CFAP46: variants seen among roughly 807,000 people sequenced by gnomAD.
CFAP46 encodes cilia- and flagella-associated protein 46.
CFAP46 carries 245 observed loss-of-function variants against 325.7 expected under a neutral mutation model. The ratio of observed to expected loss-of-function variants is 0.75; its 90% confidence interval spans 0.68 to 0.84. The LOEUF (loss-of-function observed/expected upper bound fraction) is 0.84, where lower values mean the gene tolerates loss of function less well. Among genes scored for constraint, CFAP46 ranks in the 40% least tolerant of loss-of-function variants. CFAP46 has a pLI of 0.00. For missense variants in CFAP46, 3,346 were observed against 3,543.0 expected, an observed-to-expected ratio of 0.94 and a Z score of 1.41; for synonymous variants, 1,523 against 1,495.9, an observed-to-expected ratio of 1.02 and a Z score of -0.42.
chr10:132,912,822 TG>T lies in CFAP46; in HGVS notation c.2334-3del, dbSNP rs1413672325. ...AGCGTCACCAGCATCACGGGGTCCC[TG>T]GGAGACATGCTTGTCAGAGGGAACC... On this transcript the variant is annotated splice_polypyrimidine_tract_variant and splice_region_variant and intron_variant, in intron 18 of 57. Coordinates refer to ENST00000368586, the MANE Select transcript of CFAP46 (RefSeq NM_001200049.3). The T allele has an allele frequency of 6.5e-7, 1 of 1,548,214 alleles. No homozygotes were observed. The highest frequency in any genetic ancestry group is 1.2e-5 in the South Asian group (1 of 84,022).
In CFAP46 at chr10:132,860,848, C is replaced by G; in HGVS notation, c.5025G>C (p.Trp1675Cys). ...CTGCCAGGGTCAGAGTGGAATTGTA[C>G]CAGAACTCCTCACTTCCGCCCAGGT... ...AQHLGGSEEF[W>C]YNSTLTLAEA... Residue 1675 changes from tryptophan to cysteine, a missense_variant, in exon 36 of 58, where the codon TGG (tryptophan) becomes TGC (cysteine). Coordinates refer to ENST00000368586, the MANE Select transcript of CFAP46 (RefSeq NM_001200049.3). 6.4e-7 allele frequency: 1 copy of G among 1,551,094 alleles called. No individual in the cohort carries two copies. The highest frequency in any genetic ancestry group is 8.7e-7 in the Non-Finnish European group (1 of 1,147,088).
chr10:132,920,276 G>T, intron 13 of CFAP46, 94 bp from the exon 14 acceptor site: 2 of 1,394,888 alleles, frequency 1.4e-6, no homozygotes, highest in Non-Finnish European at 1.9e-6. Flanking sequence ...CGGCGCCGGG[G>T]TGGCCACCCA....
Position 132,817,804 on chromosome 10 carries a change from G to T in CFAP46, c.7118-2890C>A, listed in dbSNP as rs189793087. 6.6e-6 allele frequency among the ~76,000 whole-genome samples: 1 copy of T among 152,354 alleles called. No homozygotes were observed. Among genetic ancestry groups the T allele is most frequent in the Non-Finnish European group, 1.5e-5 (1 of 68,030 alleles). On this transcript the variant is annotated intron_variant, in intron 50 of 57. Transcript: ENST00000368586. This position sits in a 1 kb window ranked among gnomAD's most constrained non-coding sequence, Gnocchi z 4.4. ...TACTACAAAACGCAGGCTTGATGTG[G>T]CACTGCTTCCTGTCTGACGGTTCTG...
At chr10:132,834,201 C>T in intron 48 of CFAP46, 78 bp from the exon 49 acceptor site, 1 of 1,320,056 alleles carries the variant, frequency 7.6e-7, no homozygotes, top group South Asian at 1.2e-5. Flanking sequence ...CCTGCTCAGC[C>T]TGTTTCACTC....
At position 132,832,370 on chromosome 10, in the gene CFAP46, G is replaced by A. The variant is rs1848160030; in HGVS notation, c.7117+988C>T. Among the ~76,000 whole-genome samples the A allele has an allele frequency of 6.8e-6, 1 of 147,700 alleles. No homozygotes were observed. Among genetic ancestry groups the A allele is most frequent in the Admixed American group, 6.7e-5 (1 of 14,848 alleles). ...AAACTGTCTGTCCTCAACTTGCGGA[G>A]ACCCCTGGGCTCTTCCTGCCCCCCC... is the stretch of plus-strand genomic sequence containing the variant. On this transcript the variant is annotated intron_variant, in intron 50 of 57. Transcript: ENST00000368586. This position sits in a 1 kb window ranked among gnomAD's most constrained non-coding sequence, Gnocchi z 4.1.
chr10:132,814,966 C>A (rs749552401), intron 50 of CFAP46, 52 bp from the exon 51 acceptor site: 9 of 1,520,352 alleles, frequency 5.9e-6, no homozygotes, highest in Non-Finnish European at 7.3e-6. Context: ...TCGAGGCAGC[C>A]CTCCGGCCAC....
chr10:132,911,142 G>A (rs768985414), intron 19 of CFAP46, among the ~76,000 whole-genome samples: 18 of 152,160 alleles, frequency 1.2e-4, no homozygotes, highest in Non-Finnish European at 2.2e-4. Flanking sequence ...CCTCCCCTCC[G>A]CAGCCTCCAG....
rs868712695 is a variant in CFAP46, at chr10:132,880,978, G to A, written c.3682C>T (p.Leu1228Phe). 6 of 1,550,418 alleles carry A rather than the reference G, an allele frequency of 3.9e-6. No homozygotes were observed. In the African/African-American group the frequency reaches 5.5e-5, roughly 14 times the overall value. Reference sequence around the variant, plus strand: ...TCGAGAGGAAAGTGTCTGTGATGGAGCCACTGGCCGAACTCCATGAGGTAC... The same window carrying A: ...TCGAGAGGAAAGTGTCTGTGATGGAACCACTGGCCGAACTCCATGAGGTAC... The part of the protein sequence containing the change: ...VEYLMEFGQW[L>F]HHRHFPLEDV... Residue 1228 changes from leucine (L) to phenylalanine (F), a missense_variant, in exon 28 of 58, where the codon CTC becomes TTC. Coordinates refer to ENST00000368586, the MANE Select transcript of CFAP46 (RefSeq NM_001200049.3).
intron 44 of CFAP46, among the ~76,000 whole-genome samples, chr10:132,838,630 C>A (rs773410821): frequency 1.6e-4 from 25 of 152,270 alleles, no homozygotes; most frequent in Non-Finnish European, 2.8e-4. Flanking sequence ...AATGCCACAG[C>A]GTCTTCATCC....
intron 9 of CFAP46, among the ~76,000 whole-genome samples, chr10:132,927,085 T>C (rs1266684504): frequency 6.6e-6 from 1 of 152,190 alleles, no homozygotes; most frequent in African/African-American, 2.4e-5. Context: ...TCGGGGAAGA[T>C]GTTCCCAGGC....
At position 132,837,688 on chromosome 10, in the gene CFAP46, C is replaced by T. The variant is rs546259404; in HGVS notation, c.6439-774G>A. On this transcript the variant is annotated intron_variant, in intron 44 of 57. Coordinates refer to ENST00000368586, the MANE Select transcript of CFAP46 (RefSeq NM_001200049.3). Reference sequence around the variant, plus strand: ...AGACATGCACGGACACACATGCACACGTACACAGATGCACACACACAGACA... The same window carrying T: ...AGACATGCACGGACACACATGCACATGTACACAGATGCACACACACAGACA... Among the ~76,000 whole-genome samples the T allele has an allele frequency of 3.8e-3, 549 of 144,582 alleles. 6 individuals carry two copies. The highest frequency in any genetic ancestry group is 0.013 in the African/African-American group (497 of 37,882). 94.9% of individuals were successfully genotyped at this position (144,582 alleles called of 152,430 possible).
chr10:132,888,307 C>A (rs918631434), intron 25 of CFAP46, among the ~76,000 whole-genome samples: 4 of 139,620 alleles, frequency 2.9e-5, no homozygotes, highest in African/African-American at 5.8e-5. Context: ...ATAGCCTGTA[C>A]CCCTGCCACC....
chr10:132,857,826 G>A lies in CFAP46; in HGVS notation c.5376-38C>T, dbSNP rs765849416. 1.6e-5 allele frequency: 22 copies of A among 1,413,018 alleles called. No homozygotes were observed. In the South Asian group the frequency reaches 2.8e-4, roughly 18 times the overall value. 87.5% of individuals were successfully genotyped at this position (1,413,018 alleles called of 1,614,324 possible). ...TAAGAATGGAATTTTAAAACATTATGTTATTATTACTAAATGTTTAATATG... is the reference window on the plus strand; with the variant it reads ...TAAGAATGGAATTTTAAAACATTATATTATTATTACTAAATGTTTAATATG... On this transcript the variant is annotated intron_variant, in intron 38 of 57. Transcript: ENST00000368586.
At chr10:132,821,663 G>T (rs1847835042) in intron 50 of CFAP46, among the ~76,000 whole-genome samples, 2 of 139,492 alleles carry the variant, frequency 1.4e-5, no homozygotes, top group Non-Finnish European at 3.1e-5. Flanking sequence ...GATGTGTGCT[G>T]TGTGTGCTGT....
At chr10:132,933,845 G>A (rs1307382501) in intron 8 of CFAP46, among the ~76,000 whole-genome samples, 4 of 152,236 alleles carry the variant, frequency 2.6e-5, no homozygotes, top group Non-Finnish European at 5.9e-5. Context: ...TGAGCTTGGG[G>A]GACCCCTTCC....
chr10:132,867,746 G>A (rs1405759415), intron 33 of CFAP46, among the ~76,000 whole-genome samples: 3 of 152,186 alleles, frequency 2.0e-5, no homozygotes, highest in Admixed American at 6.5e-5. Flanking sequence ...GACAGCCAGG[G>A]GTGTTTAATG....
intron 52 of CFAP46, 35 bp from the exon 53 acceptor site, chr10:132,814,647 G>T (rs1174967009): frequency 1.3e-6 from 2 of 1,581,846 alleles, no homozygotes; most frequent in Admixed American, 1.9e-5. Context: ...GGAGCACAGG[G>T]CGGGGTCTGG....
rs1252797051 is a variant in CFAP46, at chr10:132,912,599, TCTCTC to T, written c.2499+51_2499+55del. 9.9e-5 allele frequency: 138 copies of T among 1,395,500 alleles called. No homozygotes were observed. In the Middle Eastern group the frequency reaches 1.1e-3, roughly 11 times the overall value. The allele number at this position is 1,395,500 out of a possible 1,614,324, so 86.4% of individuals were successfully genotyped here. ...CCTCTCCTCTCCTCTCTCTCTCTCC[TCTCTC>T]CTCTCTCTCTCTCTCTCTCTCTCTC... On this transcript the variant is annotated intron_variant, in intron 19 of 57. Coordinates refer to ENST00000368586, the MANE Select transcript of CFAP46 (RefSeq NM_001200049.3).
rs765010235 is a variant in CFAP46 at position 132,832,779 on chromosome 10, G to C, written c.7117+579C>G. Reference sequence around the variant, plus strand: ...CCCAGCCGAGGTCAGGGCCTTCCGCGCGCTCCCTCGTGCTTTTCACTGTCT... The same window carrying C: ...CCCAGCCGAGGTCAGGGCCTTCCGCCCGCTCCCTCGTGCTTTTCACTGTCT... On this transcript the variant is annotated intron_variant, in intron 50 of 57. Coordinates refer to ENST00000368586, the MANE Select transcript of CFAP46 (RefSeq NM_001200049.3). This position sits in a 1 kb window ranked among gnomAD's most constrained non-coding sequence, Gnocchi z 4.1. 1 of 471,202 alleles carries C rather than the reference G, an allele frequency of 2.1e-6. No homozygotes were observed. Among genetic ancestry groups the C allele is most frequent in the Admixed American group, 2.3e-5 (1 of 42,564 alleles). 29.2% of individuals were successfully genotyped at this position (471,202 alleles called of 1,614,324 possible).
Sources: allele counts gnomAD v4.1 joint callset (sites outside exome capture counted in the v4.1 genomes callset), GRCh38; gene constraint gnomAD v4.1.1; non-coding constraint Gnocchi (gnomAD v3.1); transcripts MANE v1.5; gene names NCBI Gene and HGNC (gene_info 2026-07-23, HGNC 2026-07-21).